CEACAM1: variants seen among roughly 807,000 people sequenced by gnomAD.
The protein encoded by CEACAM1 is cell adhesion molecule CEACAM1.
CEACAM1 carries 31 observed loss-of-function variants against 49.1 expected under a neutral mutation model. The observed-to-expected ratio is 0.63, with a 90% CI of 0.47 to 0.85. The LOEUF is 0.85. Among genes scored for constraint, CEACAM1 ranks in the 40% least tolerant of loss-of-function variants. The probability of loss-of-function intolerance (pLI) is 0.00; values close to 1 mark genes in which losing one functional copy is unlikely to be tolerated. For synonymous variants in CEACAM1, 244 were observed against 247.8 expected, an observed-to-expected ratio of 0.98 and a Z score of 0.14; for missense variants, 570 against 645.3, an observed-to-expected ratio of 0.88 and a Z score of 1.26.
At position 42,522,034 on chromosome 19, in the gene CEACAM1, C is replaced by T. The variant is rs1568661764; in HGVS notation, c.593G>A (p.Arg198Lys). 1.2e-6 allele frequency: 2 copies of T among 1,614,212 alleles called. No individual in the cohort carries two copies. Among genetic ancestry groups the T allele is most frequent in the South Asian group, 1.1e-5 (1 of 91,086 alleles). The change falls in exon 3 of 9, where the codon AGG becomes AAG. Residue 198 changes from arginine to lysine, a missense_variant. Arg to Lys is a conservative substitution (Grantham distance 26). Coordinates refer to ENST00000161559, the MANE Select transcript of CEACAM1 (RefSeq NM_001712.5). ...TGTGACACTGAGTAGAGTGAGGGTC[C>T]TGTTGCCATTGGACAGCTGCAGCCT... ...SPRLQLSNGNRTLTLLSVTRN... is the reference protein window; with the variant it reads ...SPRLQLSNGNKTLTLLSVTRN...
At chr19:42,521,600 G>A in intron 3 of CEACAM1, 79 bp from the exon 4 acceptor site, 4 of 1,562,028 alleles carry the variant, frequency 2.6e-6, no homozygotes, top group South Asian at 1.2e-5. Flanking sequence ...GGGCCACAGT[G>A]TTCCTCTCTA....
intron 5 of CEACAM1, among the ~76,000 whole-genome samples, chr19:42,515,315 C>G (rs1430296805): frequency 1.3e-5 from 2 of 152,086 alleles, no homozygotes; most frequent in African/African-American, 4.8e-5. Context: ...CAGGCATTCA[C>G]AGTGCAATTT....
intron 2 of CEACAM1, among the ~76,000 whole-genome samples, chr19:42,526,783 T>G (rs1424108527): frequency 6.6e-6 from 1 of 152,138 alleles, no homozygotes. Context: ...GGGGCTAGAT[T>G]GAGACTGGTC....
chr19:42,510,766 T>G, intron 8 of CEACAM1, 123 bp downstream of exon 8: 2 of 865,454 alleles, frequency 2.3e-6, no homozygotes, highest in Non-Finnish European at 3.9e-6. Context: ...CAAATACGTC[T>G]TTGTTGTTGC....
In CEACAM1 at chr19:42,508,016, A is replaced by G. The variant is rs910263466; in HGVS notation, c.*1093T>C. ...TGAAGAAAACCTTTTCTTATTTTCT[A>G]TTTGGAGCCTCTGACAAAAAAAATC... On this transcript the variant is annotated 3_prime_UTR_variant, in exon 9 of 9. Coordinates refer to ENST00000161559, the MANE Select transcript of CEACAM1 (RefSeq NM_001712.5). 3 of 152,192 alleles carry G rather than the reference A, an allele frequency of 2.0e-5. No homozygotes were observed. Among genetic ancestry groups the G allele is most frequent in the Admixed American group, 1.3e-4 (2 of 15,288 alleles). The allele number at this position is 152,192 out of a possible 1,614,324, so 9.4% of individuals were successfully genotyped here.
intron 2 of CEACAM1, 141 bp downstream of exon 2, chr19:42,526,900 G>C: frequency 7.5e-7 from 1 of 1,335,504 alleles, no homozygotes. Flanking sequence ...CTGTCCCATA[G>C]TGTGTCCTGC....
Position 42,522,477 on chromosome 19 carries a change from T to A in CEACAM1, c.425-275A>T, listed in dbSNP as rs181275542. On this transcript the variant is annotated intron_variant, in intron 2 of 8. Transcript: ENST00000161559. ...GTTGCCCAGGCTGGTCTCAAACTCC[T>A]GAGCTCTGGCAATCCGCCCGATTCG... is the stretch of plus-strand genomic sequence containing the variant. Among the ~76,000 whole-genome samples the A allele has an allele frequency of 3.5e-3, 530 of 151,886 alleles. 1 individual carries two copies. The highest frequency in any genetic ancestry group is 6.0e-3 in the Non-Finnish European group (407 of 67,970).
At chr19:42,521,858 G>T (rs2041757669) in intron 3 of CEACAM1, 66 bp downstream of exon 3, 1 of 1,611,170 alleles carries the variant, frequency 6.2e-7, no homozygotes, top group Non-Finnish European at 8.5e-7. Context: ...GGACTGAGAG[G>T]CCTGGCCTCT....
intron 5 of CEACAM1, among the ~76,000 whole-genome samples, chr19:42,517,191 A>T (rs1270393328): frequency 6.6e-6 from 1 of 152,248 alleles, no homozygotes; most frequent in African/African-American, 2.4e-5. Flanking sequence ...AAAATGCATA[A>T]AAGACCTAAA....
chr19:42,527,693 A>G (rs768508706), intron 1 of CEACAM1: 18 of 331,938 alleles, frequency 5.4e-5, no homozygotes, highest in Non-Finnish European at 9.8e-5. Context: ...TGCTCTTGGG[A>G]GATCCTTTCC....
intron 6 of CEACAM1, among the ~76,000 whole-genome samples, chr19:42,512,096 G>C (rs577162855): frequency 2.0e-5 from 3 of 152,176 alleles, no homozygotes; most frequent in African/African-American, 7.2e-5. Context: ...CCCTGACTAG[G>C]GGACAGAGGA....
At chr19:42,519,436 G>C (rs1158289115) in intron 4 of CEACAM1, 1 of 581,864 alleles carries the variant, frequency 1.7e-6, no homozygotes, top group Non-Finnish European at 3.1e-6. Flanking sequence ...TGTAAGGAGA[G>C]GGCTGCACCT....
intron 2 of CEACAM1, among the ~76,000 whole-genome samples, chr19:42,522,728 GT>G (rs551209285): frequency 1.3e-5 from 2 of 152,114 alleles, no homozygotes; most frequent in African/African-American, 4.8e-5. Flanking sequence ...TGCCCGGCTA[GT>G]TTTTTGTATT....
Position 42,518,804 on chromosome 19 carries a change from C to T in CEACAM1, c.1246+144G>A, listed in dbSNP as rs1000733613. Reference sequence around the variant, plus strand: ...CGTGAGCCACTGTGCCCGGCCTGAGCTGAGCTCTTAACCACTTTGCAATTC... The same window carrying T: ...CGTGAGCCACTGTGCCCGGCCTGAGTTGAGCTCTTAACCACTTTGCAATTC... On this transcript the variant is annotated intron_variant, in intron 5 of 8. Coordinates refer to ENST00000161559, the MANE Select transcript of CEACAM1 (RefSeq NM_001712.5). The T allele has an allele frequency of 6.1e-5, 60 of 982,188 alleles. No homozygotes were observed. In the African/African-American group the frequency reaches 8.2e-4, roughly 13 times the overall value. The allele number at this position is 982,188 out of a possible 1,614,324, so 60.8% of individuals were successfully genotyped here. A position where few individuals can be genotyped will look rare whatever the true frequency, so the allele number is the denominator to read the frequency against.
At chr19:42,513,236 T>A (rs41484548) in intron 5 of CEACAM1, among the ~76,000 whole-genome samples, 2,539 of 152,302 alleles carry the variant, frequency 0.017, 36 homozygotes, top group Non-Finnish European at 0.024. Flanking sequence ...CCCAGTTTTG[T>A]GTGACTGTTT....
Position 42,521,444 on chromosome 19 carries a change from C to G in CEACAM1, c.781G>C (p.Ala261Pro), listed in dbSNP as rs945401317. The change falls in exon 4 of 9, where the codon GCA becomes CCA. Residue 261 changes from alanine (A) to proline (P), a missense_variant. Physicochemically the swap from Ala to Pro is conservative, Grantham distance 27. Transcript: ENST00000161559. ...TACTGTGCAGGTGGGTTAGAGGCTG[C>G]ATAGCAGGAGAGGCTGAGGTTTGCC... is the stretch of plus-strand genomic sequence containing the variant. ...PGANLSLSCY[A>P]ASNPPAQYSW... 3.7e-6 allele frequency: 6 copies of G among 1,614,062 alleles called. No homozygotes were observed. Among genetic ancestry groups the G allele is most frequent in the Non-Finnish European group, 5.1e-6 (6 of 1,180,046 alleles).
At chr19:42,518,853 T>C (rs1242297083) in intron 5 of CEACAM1, 95 bp downstream of exon 5, 3 of 1,381,740 alleles carry the variant, frequency 2.2e-6, no homozygotes, top group Admixed American at 3.4e-5. Flanking sequence ...GGTCTCTTCA[T>C]TGATATTCTG....
Position 42,510,892 on chromosome 19 carries a change from G to T in CEACAM1, c.1458C>A (p.Asn486Lys), listed in dbSNP as rs1373619771. Reference sequence around the variant, plus strand: ...CATGAAAACCGGCTATGCTTACCTTGTTAGGTGGGTCATTGGAGTGGTCCT... The same window carrying T: ...CATGAAAACCGGCTATGCTTACCTTTTTAGGTGGGTCATTGGAGTGGTCCT... ...HTQDHSNDPPNKMNEVTYSTL... is the reference protein window; with the variant it reads ...HTQDHSNDPPKKMNEVTYSTL... Residue 486 changes from asparagine (N) to lysine (K), a missense_variant, in exon 8 of 9, where the codon AAC (asparagine) becomes AAA (lysine). By Grantham distance (94) the Asn-to-Lys change is moderately conservative. Coordinates refer to ENST00000161559, the MANE Select transcript of CEACAM1 (RefSeq NM_001712.5). The T allele has an allele frequency of 1.9e-6, 3 of 1,613,652 alleles. No individual in the cohort carries two copies. Among genetic ancestry groups the T allele is most frequent in the Non-Finnish European group, 2.5e-6 (3 of 1,179,526 alleles).
At chr19:42,523,790 A>T (rs2041819743) in intron 2 of CEACAM1, among the ~76,000 whole-genome samples, 1 of 152,220 alleles carries the variant, frequency 6.6e-6, no homozygotes, top group East Asian at 1.9e-4. Context: ...AGAGAGCGTG[A>T]TAAACTCTTA....
Sources: gnomAD v4.1 joint callset for allele counts (sites outside exome capture counted in the v4.1 genomes callset) on GRCh38, gnomAD v4.1.1 for gene constraint, MANE v1.5 for transcripts, NCBI Gene and HGNC (gene_info 2026-07-23, HGNC 2026-07-21) for gene names.